RNF216: variants seen among roughly 807,000 people sequenced by gnomAD.
RNF216 encodes ring finger protein 216.
A neutral mutation model predicts 110.8 loss-of-function variants in RNF216; 72 were observed. The observed-to-expected ratio is 0.65, with a 90% CI of 0.54 to 0.79. The LOEUF (loss-of-function observed/expected upper bound fraction) is 0.79, where lower values mean the gene tolerates loss of function less well. Ranked by LOEUF, RNF216 falls within the 30% of genes least tolerant of loss-of-function variation. RNF216 has a pLI of 0.00. For missense variants in RNF216, 1,342 were observed against 1,141.2 expected (o/e 1.18, Z -2.54); for synonymous variants, 495 against 407.5 (o/e 1.21, Z -2.59).
intron 7 of RNF216, among the ~76,000 whole-genome samples, chr7:5,727,575 T>TA (rs141882227): frequency 0.036 from 5,417 of 152,030 alleles, 150 homozygotes; most frequent in Non-Finnish European, 0.054. Context: ...AAAAATGAAA[T>TA]AAAAAGATCA....
intron 7 of RNF216, among the ~76,000 whole-genome samples, chr7:5,726,584 G>A (rs531389131): frequency 4.6e-5 from 7 of 152,218 alleles, no homozygotes; most frequent in African/African-American, 1.4e-4. Context: ...CAGGGTGGGC[G>A]CGGTGGCTCA....
intron 3 of RNF216, among the ~76,000 whole-genome samples, chr7:5,747,913 GA>G (rs1390743486): frequency 6.6e-6 from 1 of 152,056 alleles, no homozygotes; most frequent in Admixed American, 6.6e-5. Flanking sequence ...AAAGGACTGA[GA>G]TTACAGGTTT....
At chr7:5,686,923 A>G (rs1791023036) in intron 13 of RNF216, among the ~76,000 whole-genome samples, 1 of 152,226 alleles carries the variant, frequency 6.6e-6, no homozygotes, top group African/African-American at 2.4e-5. Context: ...GACAGGAGGC[A>G]GAGCTCAGGT....
At chr7:5,682,100 A>T (rs1221313938) in intron 13 of RNF216, among the ~76,000 whole-genome samples, 1 of 152,230 alleles carries the variant, frequency 6.6e-6, no homozygotes, top group Non-Finnish European at 1.5e-5. Flanking sequence ...CTCAGCAGAC[A>T]CAGGCACCTG....
chr7:5,731,373 TGCC>T (rs1794081250), intron 5 of RNF216, among the ~76,000 whole-genome samples: 1 of 145,122 alleles, frequency 6.9e-6, no homozygotes, highest in African/African-American at 2.9e-5. Flanking sequence ...TTTAGCTAGC[TGCC>T]AAGCTAGACT....
In RNF216 at chr7:5,677,377, T is replaced by A. The variant is rs114577155; in HGVS notation, c.2062-24867A>T. Reference sequence around the variant, plus strand: ...AATTATCTCCATTGTAAGACTGGACTACTAATCACAGAACCATATTCTTTT... The same window carrying A: ...AATTATCTCCATTGTAAGACTGGACAACTAATCACAGAACCATATTCTTTT... On this transcript the variant is annotated intron_variant, in intron 13 of 16. Transcript: ENST00000389902. Among the ~76,000 whole-genome samples, 1,357 of 152,324 alleles carry A rather than the reference T, an allele frequency of 8.9e-3. 21 individuals carry two copies. The highest frequency in any genetic ancestry group is 0.031 in the African/African-American group (1,293 of 41,566).
intron 13 of RNF216, among the ~76,000 whole-genome samples, chr7:5,706,551 T>C (rs780982998): frequency 5.9e-5 from 9 of 152,238 alleles, no homozygotes; most frequent in Admixed American, 5.2e-4. Flanking sequence ...GTGTTGTTAG[T>C]ATGTGCCAGG....
chr7:5,723,230 T>A (rs1273951484), intron 8 of RNF216, among the ~76,000 whole-genome samples: 1 of 152,250 alleles, frequency 6.6e-6, no homozygotes, highest in African/African-American at 2.4e-5. Context: ...TGTTAATTAC[T>A]GTAATTATCA....
At chr7:5,698,170 G>C (rs982931134) in intron 13 of RNF216, among the ~76,000 whole-genome samples, 2 of 152,036 alleles carry the variant, frequency 1.3e-5, no homozygotes, top group African/African-American at 4.8e-5. Flanking sequence ...TAAAATCCTC[G>C]GTTTTCTAGA....
intron 13 of RNF216, 106 bp downstream of exon 13, chr7:5,711,655 C>T (rs1792698235): frequency 3.5e-6 from 3 of 862,734 alleles, no homozygotes; most frequent in Non-Finnish European, 5.6e-6. Flanking sequence ...GCACTCAAAT[C>T]CTTCTTATAC....
chr7:5,778,814 G>T (rs62455883), intron 1 of RNF216, among the ~76,000 whole-genome samples: 60,479 of 152,140 alleles, frequency 0.4, 12,826 homozygotes, highest in Admixed American at 0.49. Flanking sequence ...CACAATCTCG[G>T]ATCACTGCAA....
intron 13 of RNF216, among the ~76,000 whole-genome samples, chr7:5,697,753 C>T (rs191140168): frequency 6.6e-6 from 1 of 152,142 alleles, no homozygotes; most frequent in South Asian, 2.1e-4. Flanking sequence ...CTGGAGAAGA[C>T]AGAAGCTAGG....
intron 5 of RNF216, among the ~76,000 whole-genome samples, chr7:5,731,064 A>C (rs1469140114): frequency 1.3e-5 from 2 of 152,238 alleles, no homozygotes; most frequent in African/African-American, 4.8e-5. Context: ...AACTCCTCTG[A>C]AGTTTATGTA....
chr7:5,639,321 A>G (rs1430203935), intron 15 of RNF216, among the ~76,000 whole-genome samples: 3 of 152,182 alleles, frequency 2.0e-5, no homozygotes, highest in African/African-American at 7.2e-5. Context: ...GCTGGAAGCA[A>G]CTGGATCCCA....
chr7:5,754,251 G>A lies in RNF216; in HGVS notation c.68-1272C>T, dbSNP rs1795495884. 2.0e-5 allele frequency among the ~76,000 whole-genome samples: 3 copies of A among 151,230 alleles called. No individual in the cohort carries two copies. In the South Asian group the frequency reaches 6.3e-4, roughly 32 times the overall value. On this transcript the variant is annotated intron_variant, in intron 2 of 16. Transcript: ENST00000389902. ...GCTCACTGCAGCTTCAACCTCCTAG[G>A]CTCAAGCAATCCTCCCATGTCAGCT...
At chr7:5,691,726 G>A (rs78324415) in intron 13 of RNF216, among the ~76,000 whole-genome samples, 1,695 of 152,338 alleles carry the variant, frequency 0.011, 14 homozygotes, top group Admixed American at 0.019. Context: ...GAGTCCATCA[G>A]TACTAACTCT....
Position 5,622,111 on chromosome 7 carries a change from C to T in RNF216, c.*749G>A, listed in dbSNP as rs533148705. On this transcript the variant is annotated 3_prime_UTR_variant, in exon 17 of 17. Coordinates refer to ENST00000389902, the MANE Select transcript of RNF216 (RefSeq NM_207111.4). The stretch of plus-strand genomic sequence containing the variant: ...GCCACCAGGCCTCTGTCCCAGCTGC[C>T]TTAAGAGGCTCTTTCAATGGGCCAG... 6.6e-6 allele frequency: 1 copy of T among 152,418 alleles called. No individual in the cohort carries two copies. Among genetic ancestry groups the T allele is most frequent in the African/African-American group, 2.4e-5 (1 of 41,580 alleles). The allele number at this position is 152,418 out of a possible 1,614,324, so 9.4% of individuals were successfully genotyped here.
chr7:5,719,932 T>C (rs1323890136), intron 9 of RNF216, among the ~76,000 whole-genome samples: 3 of 152,228 alleles, frequency 2.0e-5, no homozygotes, highest in Non-Finnish European at 4.4e-5. Flanking sequence ...AAGACTTCAT[T>C]TTATTACACA....
In RNF216 at chr7:5,649,902, C is replaced by G. The variant is rs533381805; in HGVS notation, c.2159+2511G>C. 4 of 152,092 alleles carry G rather than the reference C, an allele frequency of 2.6e-5. 1 individual carries two copies. In the South Asian group the frequency reaches 8.3e-4, roughly 32 times the overall value. 9.4% of individuals were successfully genotyped at this position (152,092 alleles called of 1,614,324 possible). The stretch of plus-strand genomic sequence containing the variant: ...TTGGAAAATGCTTTTCCTGTCTGTT[C>G]GATAATCAGAGAACACCAGCAGCCA... On this transcript the variant is annotated intron_variant, in intron 14 of 16. Coordinates refer to ENST00000389902, the MANE Select transcript of RNF216 (RefSeq NM_207111.4).
Sources: gnomAD v4.1 joint callset for allele counts (sites outside exome capture counted in the v4.1 genomes callset) on GRCh38, gnomAD v4.1.1 for gene constraint, MANE v1.5 for transcripts, NCBI Gene and HGNC (gene_info 2026-07-23, HGNC 2026-07-21) for gene names.